GRXCR1: variants seen among roughly 807,000 people sequenced by gnomAD.
GRXCR1 encodes glutaredoxin domain-containing cysteine-rich protein 1.
In GRXCR1, 27 loss-of-function variants were observed where a neutral mutation model predicts 27.3. The observed-to-expected ratio is 0.99, with a 90% CI of 0.73 to 1.37. The LOEUF is 1.37. Among genes scored for constraint, GRXCR1 ranks in the 40% most tolerant of loss-of-function variants. The pLI is 0.00. For missense variants in GRXCR1, 379 were observed against 354.4 expected, an observed-to-expected ratio of 1.07 and a Z score of -0.56; for synonymous variants, 122 against 131.1, an observed-to-expected ratio of 0.93 and a Z score of 0.47.
chr4:42,944,925 T>G (rs1308763787), intron 1 of GRXCR1, among the ~76,000 whole-genome samples: 1 of 152,148 alleles, frequency 6.6e-6, no homozygotes, highest in Non-Finnish European at 1.5e-5. Flanking sequence ...GTCAGTGTCT[T>G]GGTTGGAGTC....
intron 2 of GRXCR1, among the ~76,000 whole-genome samples, chr4:42,997,739 A>T (rs868143274): frequency 4.6e-5 from 7 of 152,306 alleles, no homozygotes; most frequent in African/African-American, 1.7e-4. Flanking sequence ...TATTTAAAGC[A>T]GCCAATCGTA....
At chr4:42,984,306 G>A (rs1009794318) in intron 2 of GRXCR1, among the ~76,000 whole-genome samples, 8 of 151,900 alleles carry the variant, frequency 5.3e-5, no homozygotes, top group Non-Finnish European at 8.8e-5. Flanking sequence ...TCATTAAATT[G>A]TTTATCTGTA....
At chr4:42,932,600 A>AC (rs1433614229) in intron 1 of GRXCR1, among the ~76,000 whole-genome samples, 1 of 58,308 alleles carries the variant, frequency 1.7e-5, no homozygotes, top group Admixed American at 2.2e-4. Context: ...ATATATATAT[A>AC]TATATATATA....
intron 1 of GRXCR1, among the ~76,000 whole-genome samples, chr4:42,907,640 C>T (rs535608128): frequency 6.6e-6 from 1 of 152,142 alleles, no homozygotes; most frequent in Admixed American, 6.5e-5. Flanking sequence ...CATATTTCTC[C>T]CTGCTCCTTA....
At chr4:42,957,735 G>T (rs541049468) in intron 1 of GRXCR1, among the ~76,000 whole-genome samples, 1 of 151,542 alleles carries the variant, frequency 6.6e-6, no homozygotes, top group East Asian at 2.0e-4. Flanking sequence ...TCTTCAGTTT[G>T]TCAATTGAAT....
intron 3 of GRXCR1, among the ~76,000 whole-genome samples, chr4:43,026,441 C>T (rs542075794): frequency 1.5e-5 from 2 of 134,576 alleles, no homozygotes; most frequent in Non-Finnish European, 2.9e-5. Flanking sequence ...GCTGAGGGGG[C>T]ACTGGGGAGC....
chr4:43,019,208 C>T (rs1713025026), intron 2 of GRXCR1, among the ~76,000 whole-genome samples: 1 of 152,104 alleles, frequency 6.6e-6, no homozygotes, highest in African/African-American at 2.4e-5. Context: ...GATTTCCTAG[C>T]CTATCTTTGT....
chr4:42,952,515 A>C (rs1394372171), intron 1 of GRXCR1, among the ~76,000 whole-genome samples: 1 of 151,972 alleles, frequency 6.6e-6, no homozygotes, highest in Non-Finnish European at 1.5e-5. Context: ...ACCTTCTCCC[A>C]CCTTGACTAC....
chr4:43,011,210 T>A (rs1712739973), intron 2 of GRXCR1, among the ~76,000 whole-genome samples: 1 of 152,212 alleles, frequency 6.6e-6, no homozygotes, highest in Non-Finnish European at 1.5e-5. Context: ...TCGATCGTGC[T>A]GGTTAATTTC....
At chr4:42,967,466 C>A (rs535285281) in intron 2 of GRXCR1, among the ~76,000 whole-genome samples, 1 of 151,218 alleles carries the variant, frequency 6.6e-6, no homozygotes, top group South Asian at 2.1e-4. Context: ...GGAAATATTT[C>A]TTTTATATCT....
chr4:42,943,361 T>C (rs1226356153), intron 1 of GRXCR1, among the ~76,000 whole-genome samples: 1 of 152,104 alleles, frequency 6.6e-6, no homozygotes, highest in African/African-American at 2.4e-5. Flanking sequence ...CCAGCTAGTT[T>C]AGTGGTCCTG....
intron 1 of GRXCR1, among the ~76,000 whole-genome samples, chr4:42,957,141 G>A (rs1243435717): frequency 6.6e-6 from 1 of 151,822 alleles, no homozygotes; most frequent in African/African-American, 2.4e-5. Context: ...TAATTTCTTT[G>A]TTAACTTTTA....
intron 2 of GRXCR1, among the ~76,000 whole-genome samples, chr4:43,002,385 C>A (rs1343486863): frequency 7.9e-6 from 1 of 126,524 alleles, no homozygotes; most frequent in Non-Finnish European, 1.7e-5. Context: ...TGGCGATGAC[C>A]TTTATCAAGT....
At chr4:42,973,141 A>G (rs368023005) in intron 2 of GRXCR1, among the ~76,000 whole-genome samples, 1 of 152,130 alleles carries the variant, frequency 6.6e-6, no homozygotes, top group South Asian at 2.1e-4. Context: ...CTGAAGTTCT[A>G]TAGACTTTCC....
chr4:43,010,024 G>T (rs1441708553), intron 2 of GRXCR1, among the ~76,000 whole-genome samples: 1 of 152,002 alleles, frequency 6.6e-6, no homozygotes, highest in African/African-American at 2.4e-5. Flanking sequence ...CTTCTATATT[G>T]TTGTACCTCC....
intron 1 of GRXCR1, among the ~76,000 whole-genome samples, chr4:42,931,573 T>G (rs1484441982): frequency 7.7e-6 from 1 of 130,056 alleles, no homozygotes; most frequent in East Asian, 2.0e-4. Flanking sequence ...TTGGGTCCTT[T>G]CAATTTTTTT....
intron 1 of GRXCR1, among the ~76,000 whole-genome samples, chr4:42,923,199 TAAC>T (rs944350179): frequency 1.3e-5 from 2 of 152,122 alleles, no homozygotes; most frequent in African/African-American, 4.8e-5. Flanking sequence ...CTTCCCAGGC[TAAC>T]AACTGCCTAC....
chr4:42,958,312 A>C (rs541087959), intron 1 of GRXCR1, among the ~76,000 whole-genome samples: 2 of 152,132 alleles, frequency 1.3e-5, no homozygotes, highest in South Asian at 4.1e-4. Flanking sequence ...ATTTTGAACA[A>C]AGGGACTAAG....
intron 2 of GRXCR1, among the ~76,000 whole-genome samples, chr4:42,963,574 G>A (rs565744724): frequency 1.3e-5 from 2 of 151,796 alleles, no homozygotes; most frequent in Non-Finnish European, 2.9e-5. Context: ...TAAGAAATGG[G>A]GCCTGGAGCC....
Sources: allele counts gnomAD v4.1 joint callset (sites outside exome capture counted in the v4.1 genomes callset), GRCh38; gene constraint gnomAD v4.1.1; transcripts MANE v1.5; gene names NCBI Gene and HGNC (gene_info 2026-07-23, HGNC 2026-07-21).